CMIP: variants seen among roughly 807,000 people sequenced by gnomAD.
CMIP encodes the protein C-Maf-inducing protein.
A neutral mutation model predicts 97.3 loss-of-function variants in CMIP; 13 were observed. That is an observed-to-expected ratio of 0.13 (90% CI 0.09 to 0.21). CMIP has a LOEUF of 0.21. Among genes scored for constraint, CMIP ranks in the 10% least tolerant of loss-of-function variants. CMIP has a pLI of 1.00. For missense variants in CMIP, 847 were observed against 1,024.9 expected, an observed-to-expected ratio of 0.83 and a Z score of 2.37; for synonymous variants, 538 against 436.3, an observed-to-expected ratio of 1.23 and a Z score of -2.91.
At position 81,495,289 on chromosome 16, in the gene CMIP, C is replaced by A. The variant is rs1442509069; in HGVS notation, c.300+49748C>A. 12 of 1,426,378 alleles carry A rather than the reference C, an allele frequency of 8.4e-6. No homozygotes were observed. The Admixed American group carries it at 3.5e-4, about 41-fold the overall frequency. The allele number at this position is 1,426,378 out of a possible 1,614,324, so 88.4% of individuals were successfully genotyped here. The stretch of plus-strand genomic sequence containing the variant: ...GCCTGGGGGAAGCAGAGGATGAACC[C>A]TCTGGGGCGGGGCCCTGGGCAGGCT... On this transcript the variant is annotated intron_variant, in intron 1 of 20. Transcript: ENST00000537098.
At chr16:81,451,717 CA>C (rs1906226036) in intron 1 of CMIP, among the ~76,000 whole-genome samples, 1 of 152,122 alleles carries the variant, frequency 6.6e-6, no homozygotes, top group Non-Finnish European at 1.5e-5. Context: ...CATAGGTGAC[CA>C]GGGGGCTCTG....
At chr16:81,498,731 G>C (rs12449079) in intron 1 of CMIP, among the ~76,000 whole-genome samples, 1 of 151,924 alleles carries the variant, frequency 6.6e-6, no homozygotes, top group African/African-American at 2.4e-5. Context: ...TCCCCCAGGC[G>C]TCATGTATAC....
At chr16:81,560,403 A>G (rs1178161670) in intron 1 of CMIP, among the ~76,000 whole-genome samples, 1 of 152,000 alleles carries the variant, frequency 6.6e-6, no homozygotes, top group Non-Finnish European at 1.5e-5. Context: ...TATTTTTCAT[A>G]GAGATGGGGT....
intron 10 of CMIP, among the ~76,000 whole-genome samples, chr16:81,680,464 C>T (rs990796726): frequency 6.6e-6 from 1 of 152,188 alleles, no homozygotes. Flanking sequence ...TGAAGGAGAT[C>T]GTGGAGGCAG....
chr16:81,600,321 A>G (rs973344930), intron 1 of CMIP, among the ~76,000 whole-genome samples: 26 of 151,344 alleles, frequency 1.7e-4, no homozygotes, highest in African/African-American at 6.1e-4. Flanking sequence ...GCTCTTCACT[A>G]TAGTCAAAAG....
At chr16:81,553,065 G>C (rs892368883) in intron 1 of CMIP, among the ~76,000 whole-genome samples, 1 of 152,188 alleles carries the variant, frequency 6.6e-6, no homozygotes, top group Non-Finnish European at 1.5e-5. Flanking sequence ...GTGAGGTGGG[G>C]ATAAATGTTG....
intron 1 of CMIP, among the ~76,000 whole-genome samples, chr16:81,504,677 G>GAAAAA (rs796081366): frequency 3.1e-4 from 40 of 127,058 alleles, no homozygotes; most frequent in African/African-American, 1.2e-3. Flanking sequence ...GAAAAGAAAA[G>GAAAAA]AAAAAATGGC....
intron 7 of CMIP, among the ~76,000 whole-genome samples, chr16:81,667,799 A>AGAGTGTGTGTGTGTGT: frequency 2.8e-4 from 16 of 58,138 alleles, no homozygotes; most frequent in African/African-American, 7.7e-4. Flanking sequence ...AGAGAGAGAG[A>AGAGTGTGTGTGTGTGT]GTGTGTGTGT....
At chr16:81,673,000 C>G (rs2092696763) in intron 9 of CMIP, among the ~76,000 whole-genome samples, 1 of 152,142 alleles carries the variant, frequency 6.6e-6, no homozygotes, top group Admixed American at 6.5e-5. Flanking sequence ...AGTAAATGTG[C>G]AAGATCATGT....
Position 81,452,885 on chromosome 16 carries a change from G to GTTTTTTT in CMIP, c.300+7357_300+7363dup, listed in dbSNP as rs558606255. On this transcript the variant is annotated intron_variant, in intron 1 of 20. Transcript: ENST00000537098. The stretch of plus-strand genomic sequence containing the variant: ...TTTTCTTTTGTTTTTTTTTTGTTTT[G>GTTTTTTT]TTTTTTTTTTTTTTTTTTTGCAAAC... Among the ~76,000 whole-genome samples the GTTTTTTT allele has an allele frequency of 2.9e-3, 378 of 129,154 alleles. 4 individuals carry two copies. Among genetic ancestry groups the GTTTTTTT allele is most frequent in the African/African-American group, 9.6e-3 (333 of 34,520 alleles). The allele number at this position is 129,154 out of a possible 152,430, so 84.7% of individuals were successfully genotyped here.
intron 20 of CMIP, 140 bp downstream of exon 20, chr16:81,707,224 T>A (rs67721827): frequency 1.4e-6 from 1 of 714,496 alleles, no homozygotes. Context: ...TAATGGCAGA[T>A]CAAAAAGAGT....
intron 1 of CMIP, among the ~76,000 whole-genome samples, chr16:81,579,092 A>G (rs1423001870): frequency 6.6e-6 from 1 of 152,212 alleles, no homozygotes; most frequent in African/African-American, 2.4e-5. Flanking sequence ...CAGTTGACCT[A>G]GGGCAAGCAC....
intron 10 of CMIP, among the ~76,000 whole-genome samples, chr16:81,684,614 A>G (rs1905200585): frequency 6.6e-6 from 1 of 152,158 alleles, no homozygotes; most frequent in Non-Finnish European, 1.5e-5. Context: ...CATGTCCCCC[A>G]TTAGCTCTGT....
At chr16:81,571,122 AACTC>A (rs751536883) in intron 1 of CMIP, among the ~76,000 whole-genome samples, 1 of 152,218 alleles carries the variant, frequency 6.6e-6, no homozygotes, top group Non-Finnish European at 1.5e-5. Flanking sequence ...TCTAGGTACT[AACTC>A]AGCAGTTTTT....
At chr16:81,556,340 C>T (rs1299147501) in intron 1 of CMIP, among the ~76,000 whole-genome samples, 3 of 152,128 alleles carry the variant, frequency 2.0e-5, no homozygotes, top group South Asian at 2.1e-4. Context: ...TCTCTGAACA[C>T]GGGTGCGCTG....
At chr16:81,579,351 C>G (rs1003660910) in intron 1 of CMIP, among the ~76,000 whole-genome samples, 2 of 152,188 alleles carry the variant, frequency 1.3e-5, no homozygotes, top group African/African-American at 4.8e-5. Flanking sequence ...TTGGCCCTAG[C>G]TCTGCTCTCT....
intron 1 of CMIP, among the ~76,000 whole-genome samples, chr16:81,593,178 C>G (rs2091492486): frequency 6.6e-6 from 1 of 152,222 alleles, no homozygotes; most frequent in South Asian, 2.1e-4. Context: ...ACCGTCTCCA[C>G]AGAGCCCCAG....
At chr16:81,583,882 A>AAGAAAACTCTGGCGACAGTGTTTTGGGT (rs2150908611) in intron 1 of CMIP, among the ~76,000 whole-genome samples, 1 of 152,278 alleles carries the variant, frequency 6.6e-6, no homozygotes, top group African/African-American at 2.4e-5. Context: ...GTGTTTTGGG[A>AAGAAAACTCTGGCGACAGTGTTTTGGGT]AGAAAACTCT....
At chr16:81,613,788 A>G (rs76788291) in intron 2 of CMIP, among the ~76,000 whole-genome samples, 3,615 of 152,246 alleles carry the variant, frequency 0.024, 122 homozygotes, top group African/African-American at 0.082. Context: ...TCATCCATCC[A>G]TCTATCCGCC....
Sources: gnomAD v4.1 joint callset for allele counts (sites outside exome capture counted in the v4.1 genomes callset) on GRCh38, gnomAD v4.1.1 for gene constraint, MANE v1.5 for transcripts, NCBI Gene and HGNC (gene_info 2026-07-23, HGNC 2026-07-21) for gene names.